The following C14orf39 variants were observed in gnomAD, a reference collection of about 807,000 sequenced individuals.
The protein encoded by C14orf39 is protein SIX6OS1.
C14orf39 carries 66 observed loss-of-function variants against 85.6 expected under a neutral mutation model. The observed-to-expected ratio is 0.77, with a 90% CI of 0.63 to 0.95. The LOEUF (loss-of-function observed/expected upper bound fraction) is 0.95, where lower values mean the gene tolerates loss of function less well. C14orf39 is among the 40% of genes least tolerant of loss of function. C14orf39 has a pLI of 0.00. For synonymous variants in C14orf39, 242 were observed against 214.0 expected (o/e 1.13, Z -1.14); for missense variants, 735 against 663.9 (o/e 1.11, Z -1.18).
intron 14 of C14orf39, 115 bp from the exon 15 acceptor site, chr14:60,457,210 G>A: frequency 3.8e-6 from 2 of 521,400 alleles, no homozygotes; most frequent in East Asian, 6.7e-5. Flanking sequence ...ACATTGCACA[G>A]ACAAAATAAC....
intron 14 of C14orf39, among the ~76,000 whole-genome samples, chr14:60,457,420 T>A (rs907392575): frequency 1.3e-5 from 2 of 151,938 alleles, no homozygotes; most frequent in Non-Finnish European, 2.9e-5. Context: ...CACAATATGC[T>A]CTTTGGGTGA....
chr14:60,444,040 T>C (rs1191307536), intron 16 of C14orf39, among the ~76,000 whole-genome samples: 1 of 152,128 alleles, frequency 6.6e-6, no homozygotes, highest in Non-Finnish European at 1.5e-5. Context: ...ACCCCATCTG[T>C]AGGTTACCAA....
intron 5 of C14orf39, among the ~76,000 whole-genome samples, chr14:60,472,064 A>G (rs543918854): frequency 6.6e-6 from 1 of 152,128 alleles, no homozygotes; most frequent in Admixed American, 6.6e-5. Flanking sequence ...ACTCATCCTA[A>G]TTGACACTGC....
chr14:60,511,296 C>T, intron 1 of C14orf39: 2 of 1,599,718 alleles, frequency 1.3e-6, no homozygotes, highest in Non-Finnish European at 1.7e-6. Flanking sequence ...AGTGTAAAAA[C>T]GAGAAAAACA....
intron 2 of C14orf39, chr14:60,495,131 T>C: frequency 4.4e-6 from 1 of 227,938 alleles, no homozygotes; most frequent in Non-Finnish European, 9.2e-6. Context: ...CCATAGATCT[T>C]ACATTGGAAC....
chr14:60,481,334 A>C (rs1394443184), intron 4 of C14orf39, among the ~76,000 whole-genome samples: 1 of 152,140 alleles, frequency 6.6e-6, no homozygotes, highest in Non-Finnish European at 1.5e-5. Flanking sequence ...CCTTATGAAA[A>C]ATTCTCAGAA....
At chr14:60,483,877 T>C (rs569897798) in intron 3 of C14orf39, 60 bp from the exon 4 acceptor site, 126 of 1,226,154 alleles carry the variant, frequency 1.0e-4, no homozygotes, top group Non-Finnish European at 1.3e-4. Flanking sequence ...AATAAACAAA[T>C]AGAGAAAAAA....
rs571820758 is a variant in C14orf39, at chr14:60,483,007, A to G, written c.233+684T>C. Among the ~76,000 whole-genome samples, 7 of 152,130 alleles carry G rather than the reference A, an allele frequency of 4.6e-5. No homozygotes were observed. The East Asian group carries it at 1.4e-3, about 29-fold the overall frequency. ...AGGGTAGGGGACGGGAACTGCAAGC[A>G]GGGAAAAACTATTTGCACCATATAT... On this transcript the variant is annotated intron_variant, in intron 4 of 17. Coordinates refer to ENST00000321731, the MANE Select transcript of C14orf39 (RefSeq NM_174978.3).
At chr14:60,442,441 T>G (rs933468910) in intron 16 of C14orf39, among the ~76,000 whole-genome samples, 2 of 152,100 alleles carry the variant, frequency 1.3e-5, no homozygotes, top group Admixed American at 6.6e-5. Context: ...TTGTTGGTAT[T>G]TTTTTTGCCT....
At chr14:60,479,095 A>C (rs138630974) in intron 4 of C14orf39, among the ~76,000 whole-genome samples, 6 of 152,142 alleles carry the variant, frequency 3.9e-5, no homozygotes, top group Admixed American at 1.3e-4. Flanking sequence ...AGCACAGAAA[A>C]GTATGTGTAA....
At chr14:60,455,180 C>A in intron 15 of C14orf39, 35 bp from the exon 16 acceptor site, 1 of 1,455,510 alleles carries the variant, frequency 6.9e-7, no homozygotes, top group South Asian at 1.3e-5. Flanking sequence ...TGTTAAAAAT[C>A]TATTATTAAA....
chr14:60,459,807 T>A (rs1029346153), intron 13 of C14orf39, among the ~76,000 whole-genome samples: 1 of 151,758 alleles, frequency 6.6e-6, no homozygotes, highest in Non-Finnish European at 1.5e-5. Context: ...TTTAATTGGG[T>A]TGTCTGCTTT....
At chr14:60,439,919 C>A (rs1890428699) in intron 17 of C14orf39, among the ~76,000 whole-genome samples, 1 of 151,958 alleles carries the variant, frequency 6.6e-6, no homozygotes, top group South Asian at 2.1e-4. Flanking sequence ...ACTAAAAATA[C>A]AAAAAATTAG....
At chr14:60,496,034 G>T in intron 2 of C14orf39, 1 of 690,886 alleles carries the variant, frequency 1.4e-6, no homozygotes, top group Non-Finnish European at 2.4e-6. Context: ...AAGGGATTTT[G>T]GCATGAGGTA....
intron 13 of C14orf39, among the ~76,000 whole-genome samples, chr14:60,461,062 T>G (rs111291551): frequency 1.3e-5 from 2 of 151,982 alleles, no homozygotes; most frequent in African/African-American, 4.8e-5. Context: ...TGATTCAAAC[T>G]TGGAGGGAAA....
intron 2 of C14orf39, among the ~76,000 whole-genome samples, chr14:60,498,773 T>C (rs1337835847): frequency 1.3e-5 from 2 of 152,202 alleles, no homozygotes; most frequent in East Asian, 1.9e-4. Context: ...TAAATGACAG[T>C]CATTTCATGT....
chr14:60,445,716 T>C (rs982989385), intron 16 of C14orf39, among the ~76,000 whole-genome samples: 2 of 152,188 alleles, frequency 1.3e-5, no homozygotes, highest in Non-Finnish European at 2.9e-5. Context: ...ATGGGCCTAA[T>C]AGACATCTAC....
At chr14:60,504,870 T>A (rs1396124698) in intron 1 of C14orf39, among the ~76,000 whole-genome samples, 1 of 152,218 alleles carries the variant, frequency 6.6e-6, no homozygotes, top group African/African-American at 2.4e-5. Flanking sequence ...AAAACACAGT[T>A]GAACAGGTAG....
chr14:60,508,801 T>C (rs1283464750), intron 1 of C14orf39: 1 of 156,308 alleles, frequency 6.4e-6, no homozygotes, highest in Non-Finnish European at 1.4e-5. Context: ...TGGAGACCTC[T>C]CGACCGAGAC....
Sources: gnomAD v4.1 joint callset for allele counts (sites outside exome capture counted in the v4.1 genomes callset) on GRCh38, gnomAD v4.1.1 for gene constraint, MANE v1.5 for transcripts, NCBI Gene and HGNC (gene_info 2026-07-23, HGNC 2026-07-21) for gene names.